The following MLEC variants were observed in gnomAD, a reference collection of about 807,000 sequenced individuals.
MLEC encodes the protein malectin.
Under a neutral mutation model 28.7 loss-of-function variants are expected in MLEC, and 7 were observed. That is an observed-to-expected ratio of 0.24 (90% CI 0.14 to 0.46). The LOEUF (loss-of-function observed/expected upper bound fraction) is 0.46, where lower values mean the gene tolerates loss of function less well. Among genes scored for constraint, MLEC ranks in the 20% least tolerant of loss-of-function variants. The pLI, the probability that MLEC is intolerant of heterozygous loss-of-function variation, is 0.99. For missense variants in MLEC, 237 were observed against 391.1 expected, an observed-to-expected ratio of 0.61 and a Z score of 3.32; for synonymous variants, 142 against 164.4, an observed-to-expected ratio of 0.86 and a Z score of 1.04.
chr12:120,693,735 G>A (rs2137417875), intron 1 of MLEC, among the ~76,000 whole-genome samples: 1 of 152,308 alleles, frequency 6.6e-6, no homozygotes, highest in South Asian at 2.1e-4. Flanking sequence ...CTCCCTCTTG[G>A]GGAACCAGGC....
rs1213463572 is a variant in MLEC, at chr12:120,694,808, T to C, written c.415-16T>C. 1 of 1,595,248 alleles carries C rather than the reference T, an allele frequency of 6.3e-7. No homozygotes were observed. Among genetic ancestry groups the C allele is most frequent in the Non-Finnish European group, 8.6e-7 (1 of 1,167,958 alleles). On this transcript the variant is annotated splice_polypyrimidine_tract_variant and intron_variant, in intron 2 of 4. Transcript: ENST00000228506. This position sits in a 1 kb window ranked among gnomAD's most constrained non-coding sequence, Gnocchi z 4.5. ...GCTGATGGTTTTGACATTGTTTTCT[T>C]TTCTTATCCTGGAAGGTATTTGATG...
Position 120,687,239 on chromosome 12 carries a change from C to T in MLEC, c.-58C>T. ...CGCTGTTTTTCTGAGTCCGGGGTGG[C>T]CTGGCAGCCGGCCGAGGACGAGGGT... On this transcript the variant is annotated 5_prime_UTR_variant, in exon 1 of 5. Transcript: ENST00000228506. This position sits in a 1 kb window ranked among gnomAD's most constrained non-coding sequence, Gnocchi z 8.1. 2 of 1,344,336 alleles carry T rather than the reference C, an allele frequency of 1.5e-6. No homozygotes were observed. Among genetic ancestry groups the T allele is most frequent in the Non-Finnish European group, 1.9e-6 (2 of 1,054,302 alleles). 83.3% of individuals were successfully genotyped at this position (1,344,336 alleles called of 1,614,324 possible).
At chr12:120,695,384 G>A (rs1294759944) in intron 4 of MLEC, among the ~76,000 whole-genome samples, 2 of 152,192 alleles carry the variant, frequency 1.3e-5, no homozygotes, top group African/African-American at 4.8e-5. Context: ...GTCTTGGATG[G>A]ATGCTTTTAA....
chr12:120,693,910 A>T (rs1385477057), intron 1 of MLEC, 181 bp from the exon 2 acceptor site: 1 of 556,818 alleles, frequency 1.8e-6, no homozygotes, highest in Non-Finnish European at 3.2e-6. Flanking sequence ...CTTCCATAGT[A>T]ATGGCTGTAT....
chr12:120,687,529 G>A lies in MLEC; in HGVS notation c.233G>A (p.Arg78Gln). The A allele has an allele frequency of 6.7e-7, 1 of 1,493,760 alleles. No homozygotes were observed. Among genetic ancestry groups the A allele is most frequent in the Non-Finnish European group, 8.9e-7 (1 of 1,122,938 alleles). The allele number at this position is 1,493,760 out of a possible 1,614,324, so 92.5% of individuals were successfully genotyped here. Reference protein sequence around the residue: ...RKDPLEGRVGRASDYGMKLPI... With the variant: ...RKDPLEGRVGQASDYGMKLPI... ...GACCCTTTGGAAGGCCGGGTGGGCC[G>A]AGGTGAGAGTCCCCCTGCCGAGCCG... Residue 78 changes from arginine to glutamine, a missense_variant and splice_region_variant, in exon 1 of 5, where the codon CGA becomes CAA. Arg to Gln is a conservative substitution (Grantham distance 43). Coordinates refer to ENST00000228506, the MANE Select transcript of MLEC (RefSeq NM_014730.4). The surrounding 1 kb of genome is among the most constrained non-coding windows in gnomAD (Gnocchi z 8.1).
Position 120,700,256 on chromosome 12 carries a change from C to T in MLEC, c.*3711C>T, listed in dbSNP as rs890060946. The T allele has an allele frequency of 6.5e-6, 1 of 152,820 alleles. No homozygotes were observed. Among genetic ancestry groups the T allele is most frequent in the African/African-American group, 2.4e-5 (1 of 41,440 alleles). The allele number at this position is 152,820 out of a possible 1,614,324, so 9.5% of individuals were successfully genotyped here. Reference sequence around the variant, plus strand: ...CAGGTTTGGGCAGGGGTCCTATAGTCCCTGCCATGGGGCTGCTTCCCTGTC... The same window carrying T: ...CAGGTTTGGGCAGGGGTCCTATAGTTCCTGCCATGGGGCTGCTTCCCTGTC... On this transcript the variant is annotated 3_prime_UTR_variant, in exon 5 of 5. Coordinates refer to ENST00000228506, the MANE Select transcript of MLEC (RefSeq NM_014730.4). The surrounding 1 kb of genome is among the most constrained non-coding windows in gnomAD (Gnocchi z 4.0).
Position 120,701,668 on chromosome 12 carries a change from A to C in MLEC, c.*5123A>C, listed in dbSNP as rs1882452675. On this transcript the variant is annotated 3_prime_UTR_variant, in exon 5 of 5. Coordinates refer to ENST00000228506, the MANE Select transcript of MLEC (RefSeq NM_014730.4). The surrounding 1 kb of genome is among the most constrained non-coding windows in gnomAD (Gnocchi z 4.0). ...CATGCATTGACAGCGGCACAGTGAGATATAACTGATGGGCTTTGAACCTGG... is the reference window on the plus strand; with the variant it reads ...CATGCATTGACAGCGGCACAGTGAGCTATAACTGATGGGCTTTGAACCTGG... The C allele has an allele frequency of 6.5e-6, 1 of 152,760 alleles. No individual in the cohort carries two copies. The highest frequency in any genetic ancestry group is 2.1e-4 in the South Asian group (1 of 4,826). The allele number at this position is 152,760 out of a possible 1,614,324, so 9.5% of individuals were successfully genotyped here.
rs967193305 is a variant in MLEC at position 120,687,925 on chromosome 12, G to T, written c.235+394G>T. Among the ~76,000 whole-genome samples the T allele has an allele frequency of 4.6e-5, 7 of 152,154 alleles. No individual in the cohort carries two copies. Among genetic ancestry groups the T allele is most frequent in the Admixed American group, 2.0e-4 (3 of 15,282 alleles). ...GGAGATTCTCGTCGACCCAGGAATC[G>T]GCCGCTTTCCTTGCCCCTTCTGCAG... On this transcript the variant is annotated intron_variant, in intron 1 of 4. Transcript: ENST00000228506. The surrounding 1 kb of genome is among the most constrained non-coding windows in gnomAD (Gnocchi z 8.1).
intron 1 of MLEC, among the ~76,000 whole-genome samples, chr12:120,691,987 C>T (rs1882054240): frequency 6.6e-6 from 1 of 152,056 alleles, no homozygotes; most frequent in African/African-American, 2.4e-5. Flanking sequence ...AGTGAAAGCC[C>T]GTTTCTACTA....
chr12:120,694,316 C>G lies in MLEC; in HGVS notation c.414+47C>G. ...GCTTGACCAGTAGGACATTGCTGCT[C>G]TTGGACAATCCACGATTATGGGGCT... On this transcript the variant is annotated intron_variant, in intron 2 of 4. Coordinates refer to ENST00000228506, the MANE Select transcript of MLEC (RefSeq NM_014730.4). The surrounding 1 kb of genome is among the most constrained non-coding windows in gnomAD (Gnocchi z 4.5). 2 of 1,580,888 alleles carry G rather than the reference C, an allele frequency of 1.3e-6. No homozygotes were observed. The highest frequency in any genetic ancestry group is 8.6e-7 in the Non-Finnish European group (1 of 1,157,418).
At position 120,694,014 on chromosome 12, in the gene MLEC, C is replaced by T. The variant is rs995123696; in HGVS notation, c.236-77C>T. 4.3e-6 allele frequency: 6 copies of T among 1,396,566 alleles called. No homozygotes were observed. The highest frequency in any genetic ancestry group is 4.9e-6 in the Non-Finnish European group (5 of 1,026,358). 86.5% of individuals were successfully genotyped at this position (1,396,566 alleles called of 1,614,324 possible). A position where few individuals can be genotyped will look rare whatever the true frequency, so the allele number is the denominator to read the frequency against. Reference sequence around the variant, plus strand: ...GTTATTAGCATTGCCCTGGAAATGCCTCTGGCTGTTCTGGGGTCTTTGCTT... The same window carrying T: ...GTTATTAGCATTGCCCTGGAAATGCTTCTGGCTGTTCTGGGGTCTTTGCTT... On this transcript the variant is annotated intron_variant, in intron 1 of 4. Coordinates refer to ENST00000228506, the MANE Select transcript of MLEC (RefSeq NM_014730.4). The surrounding 1 kb of genome is among the most constrained non-coding windows in gnomAD (Gnocchi z 4.5).
Position 120,687,387 on chromosome 12 carries a change from C to A in MLEC, c.91C>A (p.Leu31Ile). 1 of 1,371,724 alleles carries A rather than the reference C, an allele frequency of 7.3e-7. No homozygotes were observed. 85.0% of individuals were successfully genotyped at this position (1,371,724 alleles called of 1,614,324 possible). A position where few individuals can be genotyped will look rare whatever the true frequency, so the allele number is the denominator to read the frequency against. ...GCCGCCGGCGATCCGGGGACCCGGG[C>A]TCGGCGTGGCCGGCGTGGCCGGCGC... ...LLPPAIRGPG[L>I]GVAGVAGAAG... is the part of the protein sequence containing the mutation. Residue 31 changes from leucine (L) to isoleucine (I), a missense_variant, in exon 1 of 5, where the codon CTC becomes ATC. By Grantham distance (5) the Leu-to-Ile change is conservative. Coordinates refer to ENST00000228506, the MANE Select transcript of MLEC (RefSeq NM_014730.4). The surrounding 1 kb of genome is among the most constrained non-coding windows in gnomAD (Gnocchi z 8.1).
chr12:120,689,582 C>T (rs1414582467), intron 1 of MLEC, among the ~76,000 whole-genome samples: 1 of 152,168 alleles, frequency 6.6e-6, no homozygotes, highest in African/African-American at 2.4e-5. Flanking sequence ...GGCTTTAGGT[C>T]GGGCTGAGAT....
Position 120,687,608 on chromosome 12 carries a change from G to C in MLEC, c.235+77G>C, listed in dbSNP as rs1026332916. 7 of 1,223,548 alleles carry C rather than the reference G, an allele frequency of 5.7e-6. No homozygotes were observed. The highest frequency in any genetic ancestry group is 7.6e-6 in the Non-Finnish European group (7 of 918,532). The allele number at this position is 1,223,548 out of a possible 1,614,324, so 75.8% of individuals were successfully genotyped here. A position where few individuals can be genotyped will look rare whatever the true frequency, so the allele number is the denominator to read the frequency against. ...CAGCCGGCCGGGGGCTGCGGGCCCC[G>C]AGCCCCTTTCGACCCTGGGGCCGCG... On this transcript the variant is annotated intron_variant, in intron 1 of 4. Transcript: ENST00000228506. The surrounding 1 kb of genome is among the most constrained non-coding windows in gnomAD (Gnocchi z 8.1).
chr12:120,689,182 G>T (rs534558977), intron 1 of MLEC, among the ~76,000 whole-genome samples: 3 of 150,290 alleles, frequency 2.0e-5, no homozygotes, highest in Non-Finnish European at 2.9e-5. Flanking sequence ...AGAAATTCTG[G>T]TTTTAATTTG....
rs11065215 is a variant in MLEC, at chr12:120,692,543, A to C, written c.236-1548A>C. 0.019 allele frequency among the ~76,000 whole-genome samples: 2,850 copies of C among 152,026 alleles called. 238 individuals carry two copies. The East Asian group carries it at 0.27, about 15-fold the overall frequency. On this transcript the variant is annotated intron_variant, in intron 1 of 4. Transcript: ENST00000228506. ...CTCGTGGCTAATGTCACTTACAGGA[A>C]CTGTTAACAGTTATGTTTATTTTTT...
chr12:120,696,476 C>G lies in MLEC; in HGVS notation c.810C>G (p.Ser270Arg). The G allele has an allele frequency of 6.2e-7, 1 of 1,614,194 alleles. No individual in the cohort carries two copies. Among genetic ancestry groups the G allele is most frequent in the Non-Finnish European group, 8.5e-7 (1 of 1,180,032 alleles). ...TPNPYASDNS[S>R]LMFPILVAFG... is the part of the protein sequence containing the mutation. ...ACCCCTATGCCTCGGACAACAGCAG[C>G]CTCATGTTTCCCATCCTGGTGGCCT... The change falls in exon 5 of 5, where the codon AGC becomes AGG. Residue 270 changes from serine to arginine, a missense_variant. By Grantham distance (110) the Ser-to-Arg change is moderately radical. Transcript: ENST00000228506. This position sits in a 1 kb window ranked among gnomAD's most constrained non-coding sequence, Gnocchi z 5.4.
At chr12:120,693,537 T>TA (rs1317169318) in intron 1 of MLEC, among the ~76,000 whole-genome samples, 2 of 152,066 alleles carry the variant, frequency 1.3e-5, no homozygotes, top group South Asian at 4.1e-4. Flanking sequence ...ATGAAAATTA[T>TA]AAAAAAAACA....
At chr12:120,692,147 C>T (rs889807548) in intron 1 of MLEC, among the ~76,000 whole-genome samples, 3 of 152,018 alleles carry the variant, frequency 2.0e-5, no homozygotes, top group Non-Finnish European at 2.9e-5. Context: ...GCAACAAGAG[C>T]GAAACTCCGT....
Sources: allele counts gnomAD v4.1 joint callset (sites outside exome capture counted in the v4.1 genomes callset), GRCh38; gene constraint gnomAD v4.1.1; non-coding constraint Gnocchi (gnomAD v3.1); transcripts MANE v1.5; gene names NCBI Gene and HGNC (gene_info 2026-07-23, HGNC 2026-07-21).